FNBP1: variants seen among roughly 807,000 people sequenced by gnomAD.
FNBP1 encodes the protein formin-binding protein 1.
FNBP1 carries 26 observed loss-of-function variants against 90.6 expected under a neutral mutation model. The ratio of observed to expected loss-of-function variants is 0.29; its 90% CI spans 0.21 to 0.40. The LOEUF (loss-of-function observed/expected upper bound fraction) is 0.40, where lower values mean the gene tolerates loss of function less well. FNBP1 is among the 10% of genes least tolerant of loss of function. The pLI is 1.00. For missense variants in FNBP1, 635 were observed against 768.0 expected, an observed-to-expected ratio of 0.83 and a Z score of 2.05; for synonymous variants, 260 against 265.2, an observed-to-expected ratio of 0.98 and a Z score of 0.19.
At chr9:129,904,668 T>A (rs541029019) in intron 12 of FNBP1, among the ~76,000 whole-genome samples, 50 of 152,322 alleles carry the variant, frequency 3.3e-4, no homozygotes, top group African/African-American at 1.2e-3. Flanking sequence ...TTCCAGCCGC[T>A]TTATCTTGTT....
chr9:130,045,794 G>GA (rs1381336937), upstream of FNBP1, among the ~76,000 whole-genome samples: 1 of 152,176 alleles, frequency 6.6e-6, no homozygotes, highest in Non-Finnish European at 1.5e-5. Context: ...TAAGCCAGCA[G>GA]AAAAAAGGCT....
chr9:129,938,787 C>G (rs2043885592), intron 6 of FNBP1, among the ~76,000 whole-genome samples: 1 of 152,080 alleles, frequency 6.6e-6, no homozygotes, highest in African/African-American at 2.4e-5. Context: ...AGAGAAGAGG[C>G]CAATGCTGAT....
At chr9:129,987,346 A>G (rs889346262) in intron 2 of FNBP1, among the ~76,000 whole-genome samples, 1 of 152,020 alleles carries the variant, frequency 6.6e-6, no homozygotes, top group African/African-American at 2.4e-5. Flanking sequence ...AACCACGACA[A>G]ATCAACTGAG....
intron 1 of FNBP1, among the ~76,000 whole-genome samples, chr9:129,996,039 G>C (rs768726363): frequency 6.6e-6 from 1 of 152,182 alleles, no homozygotes; most frequent in Non-Finnish European, 1.5e-5. Context: ...GCTGGCAAGG[G>C]TATGAGGGGG....
chr9:130,046,551 T>C (rs962191194), upstream of FNBP1, among the ~76,000 whole-genome samples: 4 of 105,390 alleles, frequency 3.8e-5, no homozygotes, highest in South Asian at 2.9e-4. Context: ...CTAGCCAACA[T>C]AGTGAAAGCC....
At chr9:130,021,674 A>C (rs2057838862) in intron 1 of FNBP1, among the ~76,000 whole-genome samples, 1 of 152,212 alleles carries the variant, frequency 6.6e-6, no homozygotes, top group Admixed American at 6.5e-5. Context: ...ACAATCATTA[A>C]GGAGACTTCA....
At chr9:129,908,238 C>G (rs1384363150) in intron 12 of FNBP1, among the ~76,000 whole-genome samples, 1 of 143,604 alleles carries the variant, frequency 7.0e-6, no homozygotes, top group African/African-American at 2.6e-5. Flanking sequence ...GGGTCTCACT[C>G]TGTTGCCCAG....
chr9:130,012,219 T>C (rs1476487268), intron 1 of FNBP1, among the ~76,000 whole-genome samples: 2 of 152,204 alleles, frequency 1.3e-5, no homozygotes, highest in African/African-American at 2.4e-5. Flanking sequence ...GACTACTAGG[T>C]ATGCCACATG....
At chr9:129,925,603 T>G (rs1233412796) in intron 8 of FNBP1, among the ~76,000 whole-genome samples, 1 of 129,622 alleles carries the variant, frequency 7.7e-6, no homozygotes, top group East Asian at 2.3e-4. Flanking sequence ...TTTTTTTTTT[T>G]TTTTTTTTTT....
rs2036694561 is a variant in FNBP1 at position 129,900,452 on chromosome 9, G to A, written c.1524C>T (p.Val508=). 3 of 1,603,630 alleles carry A rather than the reference G, an allele frequency of 1.9e-6. No individual in the cohort carries two copies. In the East Asian group the frequency reaches 6.8e-5, roughly 37 times the overall value. ...TCTCACGGTCCTGGGCGCAGTTGTTGACTGTGGGTGGGTTCTGGCTGTCGT... is the reference window on the plus strand; with the variant it reads ...TCTCACGGTCCTGGGCGCAGTTGTTAACTGTGGGTGGGTTCTGGCTGTCGT... ...GLYDSQNPPT[V]NNCAQDRESP... Residue 508 remains valine, a synonymous_variant, in exon 14 of 17, where the codon GTC becomes GTT. Coordinates refer to ENST00000446176, the MANE Select transcript of FNBP1 (RefSeq NM_015033.3). This position sits in a 1 kb window ranked among gnomAD's most constrained non-coding sequence, Gnocchi z 4.1.
At chr9:129,926,232 A>G (rs2041892007) in intron 8 of FNBP1, among the ~76,000 whole-genome samples, 1 of 152,192 alleles carries the variant, frequency 6.6e-6, no homozygotes, top group Non-Finnish European at 1.5e-5. Flanking sequence ...CCGGCCTCCC[A>G]AAGTGCTGGG....
intron 12 of FNBP1, among the ~76,000 whole-genome samples, chr9:129,904,188 C>T (rs2037527849): frequency 6.6e-6 from 1 of 152,224 alleles, no homozygotes; most frequent in African/African-American, 2.4e-5. Context: ...GAAATGTTAA[C>T]ACACACCCAT....
At chr9:129,931,895 G>A (rs1312842537) in intron 6 of FNBP1, among the ~76,000 whole-genome samples, 1 of 141,942 alleles carries the variant, frequency 7.0e-6, no homozygotes, top group South Asian at 2.3e-4. Context: ...CAGAAAAGAA[G>A]AAAAGAGAGA....
intron 4 of FNBP1, among the ~76,000 whole-genome samples, chr9:129,971,414 A>T (rs1384408549): frequency 6.6e-6 from 1 of 151,896 alleles, no homozygotes; most frequent in African/African-American, 2.4e-5. Flanking sequence ...TTTTTAAGAC[A>T]GAGTCTCACT....
At chr9:129,992,594 C>A (rs1415866798) in intron 2 of FNBP1, among the ~76,000 whole-genome samples, 1 of 116,590 alleles carries the variant, frequency 8.6e-6, no homozygotes, top group Non-Finnish European at 1.6e-5. Context: ...TGCTCTGTTG[C>A]CCAGGCTGGA....
intron 6 of FNBP1, among the ~76,000 whole-genome samples, chr9:129,931,514 G>A (rs954960977): frequency 2.6e-5 from 4 of 152,062 alleles, no homozygotes; most frequent in East Asian, 1.9e-4. Flanking sequence ...GCTGAGGCAC[G>A]AGAATGGCGT....
chr9:130,005,050 G>T (rs2055455329), intron 1 of FNBP1, among the ~76,000 whole-genome samples: 1 of 117,928 alleles, frequency 8.5e-6, no homozygotes. Context: ...TGGTGACAGA[G>T]CAAGACTGTC....
rs981855617 is a variant in FNBP1, at chr9:129,941,119, T to C, written c.514-11424A>G. On this transcript the variant is annotated intron_variant, in intron 6 of 16. Coordinates refer to ENST00000446176, the MANE Select transcript of FNBP1 (RefSeq NM_015033.3). ...AATAGAACGTCAAGGCCGGGTGTGG[T>C]GGCTCACGCCTGTAATCCCCGCACT... 3.9e-5 allele frequency among the ~76,000 whole-genome samples: 6 copies of C among 152,116 alleles called. 1 individual carries two copies. The South Asian group carries it at 6.2e-4, about 16-fold the overall frequency.
At chr9:129,914,904 A>G in intron 11 of FNBP1, 1 of 478,248 alleles carries the variant, frequency 2.1e-6, no homozygotes, top group Non-Finnish European at 4.3e-6. Flanking sequence ...GGATATTCTT[A>G]GCTGTGGAGT....
Sources: allele counts gnomAD v4.1 joint callset (sites outside exome capture counted in the v4.1 genomes callset), GRCh38; gene constraint gnomAD v4.1.1; non-coding constraint Gnocchi (gnomAD v3.1); transcripts MANE v1.5; gene names NCBI Gene and HGNC (gene_info 2026-07-23, HGNC 2026-07-21).